The following BRCA2 variants were observed in gnomAD, a reference collection of about 807,000 sequenced individuals.
BRCA2 encodes the protein BRCA2 DNA repair associated.
BRCA2 carries 203 observed loss-of-function variants against 276.7 expected under a neutral mutation model. That is an observed-to-expected ratio of 0.73 (90% CI 0.65 to 0.82). BRCA2 has a LOEUF of 0.82. Ranked by LOEUF, BRCA2 falls within the 40% of genes least tolerant of loss-of-function variation. The pLI is 0.00. For synonymous variants in BRCA2, 1,289 were observed against 1,338.4 expected (o/e 0.96, Z 0.81); for missense variants, 3,920 against 3,915.0 (o/e 1.00, Z -0.03).
chr13:32,341,323 G>T (rs1312939584), intron 11 of BRCA2, 127 bp downstream of exon 11: 41 of 1,332,278 alleles, frequency 3.1e-5, no homozygotes, highest in Non-Finnish European at 4.0e-5. Context: ...TGTGTAGTCA[G>T]TTTGGGGGAG....
At chr13:32,362,969 A>C (rs191512139) in intron 17 of BRCA2, among the ~76,000 whole-genome samples, 1 of 152,340 alleles carries the variant, frequency 6.6e-6, no homozygotes, top group East Asian at 1.9e-4. Flanking sequence ...GGGATTGCTA[A>C]TAAAGCATTT....
Position 32,341,273 on chromosome 13 carries a change from CAATT to C in BRCA2, c.6841+80_6841+83del, listed in dbSNP as rs11571661. On this transcript the variant is annotated intron_variant, in intron 11 of 26. Transcript: ENST00000380152. ...TTATTCAGTAGACTTGGTATGCTAA[CAATT>C]AAGAGTGTTATAAACTATGTCTTTT... is the stretch of plus-strand genomic sequence containing the variant. 0.3 allele frequency: 484,144 copies of C among 1,594,908 alleles called. 74,988 individuals are homozygous for C. The highest frequency in any genetic ancestry group is 0.43 in the East Asian group (19,181 of 44,592).
intron 3 of BRCA2, among the ~76,000 whole-genome samples, chr13:32,319,738 A>G (rs1423929760): frequency 6.6e-6 from 1 of 152,220 alleles, no homozygotes; most frequent in Non-Finnish European, 1.5e-5. Flanking sequence ...TAGGTGCCGC[A>G]TGTTTCTAAG....
intron 15 of BRCA2, among the ~76,000 whole-genome samples, chr13:32,357,388 C>A (rs138337328): frequency 4.6e-5 from 7 of 152,306 alleles, no homozygotes; most frequent in Non-Finnish European, 8.8e-5. Context: ...AGGTCACATT[C>A]CCTAAAATAC....
intron 11 of BRCA2, among the ~76,000 whole-genome samples, chr13:32,341,485 A>G (rs905788862): frequency 1.8e-4 from 28 of 152,230 alleles, no homozygotes; most frequent in Admixed American, 2.0e-4. Context: ...ATAATAATTG[A>G]GAAATTACTG....
At position 32,398,802 on chromosome 13, in the gene BRCA2, G is replaced by A. The variant is rs190726611; in HGVS notation, c.*32G>A. The stretch of plus-strand genomic sequence containing the variant: ...GCAAAGGCGACAATAAATTATTGAC[G>A]CTTAACCTTTCCAGTTTATAAGACT... On this transcript the variant is annotated 3_prime_UTR_variant, in exon 27 of 27. Coordinates refer to ENST00000380152, the MANE Select transcript of BRCA2 (RefSeq NM_000059.4). 20 of 1,608,978 alleles carry A rather than the reference G, an allele frequency of 1.2e-5. No individual in the cohort carries two copies. Among genetic ancestry groups the A allele is most frequent in the Middle Eastern group, 1.7e-4 (1 of 6,010 alleles).
At chr13:32,341,854 C>T (rs2072573539) in intron 11 of BRCA2, among the ~76,000 whole-genome samples, 2 of 147,776 alleles carry the variant, frequency 1.4e-5, no homozygotes, top group South Asian at 2.1e-4. Context: ...GGCGACAGAG[C>T]GAGACTCCGT....
chr13:32,326,359 A>G, intron 6 of BRCA2, 77 bp downstream of exon 6: 1 of 1,533,402 alleles, frequency 6.5e-7, no homozygotes, highest in Non-Finnish European at 9.0e-7. Context: ...TTGCCCTGAG[A>G]TTTACAAATC....
intron 9 of BRCA2, 59 bp from the exon 10 acceptor site, chr13:32,332,213 A>G (rs2072396488): frequency 1.4e-6 from 2 of 1,443,162 alleles, no homozygotes; most frequent in Non-Finnish European, 1.9e-6. Flanking sequence ...GGTTGTGAGA[A>G]TAATATAAAT....
chr13:32,397,991 A>T (rs1331588609), intron 26 of BRCA2, among the ~76,000 whole-genome samples, 171 bp from the exon 27 acceptor site: 4 of 152,074 alleles, frequency 2.6e-5, no homozygotes, highest in Non-Finnish European at 5.9e-5. Context: ...AATTACTTTC[A>T]TCTAGAATAG....
At position 32,398,536 on chromosome 13, in the gene BRCA2, C is replaced by A. The variant is rs113507014; in HGVS notation, c.10023C>A (p.Asp3341Glu). ...ISLLESNSIA[D>E]EELALINTQA... ...TTTTGGAAAGTAATTCAATAGCTGA[C>A]GAAGAACTTGCATTGATAAATACCC... The change falls in exon 27 of 27, where the codon GAC becomes GAA. Residue 3341 changes from aspartate to glutamate, a missense_variant. Physicochemically the swap from Asp to Glu is conservative, Grantham distance 45 (BLOSUM62 2). Around this residue, in one of 2 missense-constraint regions of BRCA2, gnomAD observed 657 missense variants for 758.2 expected, o/e 0.87. Coordinates refer to ENST00000380152, the MANE Select transcript of BRCA2 (RefSeq NM_000059.4). 3.1e-6 allele frequency: 5 copies of A among 1,614,124 alleles called. No homozygotes were observed. In the Admixed American group the frequency reaches 8.3e-5, roughly 27 times the overall value.
chr13:32,376,291 GGT>G (rs2072871173), intron 20 of BRCA2, among the ~76,000 whole-genome samples: 2 of 151,930 alleles, frequency 1.3e-5, no homozygotes, highest in African/African-American at 2.4e-5. Context: ...GGGAGTCCAA[GGT>G]GGTGGATCAC....
rs2073025173 is a variant in BRCA2, at chr13:32,394,903, GAC to G, written c.9473_9474del (p.Thr3158IlefsTer9). ...ASPKEGHFQETFNKMKNTVEN... is the reference protein window; with the variant it reads ...ASPKEGHFQEXFNKMKNTVEN... ...GTCCAAAAGAGGGCCACTTTCAAGA[GAC>G]ATTCAACAAAATGAAAAATACTGTT... On this transcript the variant is annotated frameshift_variant, in exon 25 of 27. Coordinates refer to ENST00000380152, the MANE Select transcript of BRCA2 (RefSeq NM_000059.4). LOFTEE classifies it high-confidence loss of function. 1 of 1,613,918 alleles carries G rather than the reference GAC, an allele frequency of 6.2e-7. No individual in the cohort carries two copies. Among genetic ancestry groups the G allele is most frequent in the Non-Finnish European group, 8.5e-7 (1 of 1,179,970 alleles).
rs1252748908 is a variant in BRCA2 at position 32,362,768 on chromosome 13, A to G, written c.7976+75A>G. The G allele has an allele frequency of 2.6e-6, 4 of 1,528,606 alleles. No homozygotes were observed. In the South Asian group the frequency reaches 3.4e-5, roughly 13 times the overall value. 94.7% of individuals were successfully genotyped at this position (1,528,606 alleles called of 1,614,324 possible). A position where few individuals can be genotyped will look rare whatever the true frequency, so the allele number is the denominator to read the frequency against. ...GGTTTCTGTGTAGTCTGTGACTTCC[A>G]TGTCAAAATGTTGCACAAGCCAGTT... On this transcript the variant is annotated intron_variant, in intron 17 of 26. Transcript: ENST00000380152.
At chr13:32,371,273 A>G (rs1452315095) in intron 20 of BRCA2, among the ~76,000 whole-genome samples, 173 bp downstream of exon 20, 1 of 152,150 alleles carries the variant, frequency 6.6e-6, no homozygotes, top group East Asian at 1.9e-4. Flanking sequence ...AATAGCAACA[A>G]GGGACAGAAA....
intron 9 of BRCA2, 36 bp downstream of exon 9, chr13:32,331,066 T>C: frequency 6.8e-7 from 1 of 1,476,812 alleles, no homozygotes; most frequent in East Asian, 2.3e-5. Flanking sequence ...CAGGTTTTTT[T>C]GTTGTTGTTG....
intron 25 of BRCA2, chr13:32,395,909 C>T: frequency 4.6e-6 from 1 of 218,918 alleles, no homozygotes; most frequent in South Asian, 5.0e-5. Context: ...ATTTAGTTCC[C>T]ATACAGCATA....
chr13:32,363,139 T>G, intron 17 of BRCA2, 40 bp from the exon 18 acceptor site: 1 of 1,526,364 alleles, frequency 6.6e-7, no homozygotes, highest in Non-Finnish European at 9.1e-7. Flanking sequence ...AATTCTAGAG[T>G]CACACTTCCT....
intron 9 of BRCA2, 134 bp from the exon 10 acceptor site, chr13:32,332,138 A>C: frequency 4.5e-6 from 4 of 890,838 alleles, no homozygotes; most frequent in Non-Finnish European, 6.4e-6. Flanking sequence ...AAGTACTCAG[A>C]ATAACCCTTT....
Sources: gnomAD v4.1 joint callset for allele counts (sites outside exome capture counted in the v4.1 genomes callset) on GRCh38, gnomAD v4.1.1 for gene constraint, gnomAD v4.1.1 regional missense constraint, MANE v1.5 for transcripts, NCBI Gene and HGNC (gene_info 2026-07-23, HGNC 2026-07-21) for gene names.